The following TCP11 variants were observed in gnomAD, a reference collection of about 807,000 sequenced individuals.
TCP11 encodes the protein t-complex 11.
In TCP11, 34 loss-of-function variants were observed where a neutral mutation model predicts 45.0. The ratio of observed to expected loss-of-function variants is 0.76; its 90% CI spans 0.57 to 1.01. The LOEUF (loss-of-function observed/expected upper bound fraction) is 1.01, where lower values mean the gene tolerates loss of function less well. Among genes scored for constraint, TCP11 ranks in the 50% least tolerant of loss-of-function variants. TCP11 has a pLI of 0.00. For synonymous variants in TCP11, 227 were observed against 227.0 expected (o/e 1.00, Z 0.00); for missense variants, 523 against 598.1 (o/e 0.87, Z 1.31).
rs1301208312 is a variant in TCP11 at position 35,131,322 on chromosome 6, C to T, written c.237-2140G>A. On this transcript the variant is annotated intron_variant, in intron 3 of 9. Coordinates refer to ENST00000311875, the MANE Select transcript of TCP11 (RefSeq NM_001370687.1). ...GTGGCTCATGCCTATAATCCCAGCA[C>T]TTTGGGGGGCCGAGGCGGGCGGATC... Among the ~76,000 whole-genome samples, 6 of 151,880 alleles carry T rather than the reference C, an allele frequency of 4.0e-5. No homozygotes were observed. In the East Asian group the frequency reaches 1.2e-3, roughly 30 times the overall value.
rs781585149 is a variant in TCP11 at position 35,136,233 on chromosome 6, C to T, written c.125-15G>A. 7 of 1,595,734 alleles carry T rather than the reference C, an allele frequency of 4.4e-6. No individual in the cohort carries two copies. In the South Asian group the frequency reaches 6.6e-5, roughly 15 times the overall value. ...GACAGAAAGAACTGATGGTGGACAACAATGAGCCCATGCAAGTCTGAATTT... is the reference window on the plus strand; with the variant it reads ...GACAGAAAGAACTGATGGTGGACAATAATGAGCCCATGCAAGTCTGAATTT... On this transcript the variant is annotated splice_polypyrimidine_tract_variant and intron_variant, in intron 2 of 9. Transcript: ENST00000311875.
intron 2 of TCP11, among the ~76,000 whole-genome samples, chr6:35,138,035 CT>C (rs1209769304): frequency 6.6e-6 from 1 of 152,168 alleles, no homozygotes; most frequent in African/African-American, 2.4e-5. Flanking sequence ...AAAGTCATGA[CT>C]TTGTATCTCA....
intron 2 of TCP11, among the ~76,000 whole-genome samples, chr6:35,138,924 T>A (rs1781413808): frequency 6.6e-6 from 1 of 152,198 alleles, no homozygotes; most frequent in Admixed American, 6.5e-5. Context: ...GCTGTGGCTC[T>A]TGCCTATAAT....
intron 3 of TCP11, among the ~76,000 whole-genome samples, chr6:35,134,443 GCTAATTTTTGTATT>G (rs1235518467): frequency 1.3e-5 from 2 of 151,722 alleles, no homozygotes; most frequent in East Asian, 1.9e-4. Context: ...ACCATGCCTG[GCTAATTTTTGTATT>G]CTCAGTAGAG....
intron 3 of TCP11, among the ~76,000 whole-genome samples, chr6:35,135,205 T>A (rs565387541): frequency 6.6e-6 from 1 of 151,168 alleles, no homozygotes; most frequent in African/African-American, 2.4e-5. Flanking sequence ...TGAGATCAGG[T>A]AACAAAAAGA....
intron 3 of TCP11, among the ~76,000 whole-genome samples, chr6:35,131,528 A>G (rs538791982): frequency 3.5e-4 from 53 of 152,304 alleles, no homozygotes; most frequent in African/African-American, 1.2e-3. Context: ...AGATTGTGCC[A>G]CCGCACTCCA....
chr6:35,126,787 T>A (rs748166676), intron 4 of TCP11, among the ~76,000 whole-genome samples: 38 of 151,150 alleles, frequency 2.5e-4, no homozygotes, highest in South Asian at 1.3e-3. Context: ...GTCTCCTGAG[T>A]AGCTGGGAAT....
chr6:35,137,575 T>C (rs1402967931), intron 2 of TCP11: 1 of 185,182 alleles, frequency 5.4e-6, no homozygotes, highest in African/African-American at 2.4e-5. Context: ...TAAATAGTGC[T>C]AAGAATTTTG....
At chr6:35,124,387 T>G (rs1342741672) in intron 4 of TCP11, among the ~76,000 whole-genome samples, 2 of 152,196 alleles carry the variant, frequency 1.3e-5, no homozygotes, top group African/African-American at 4.8e-5. Flanking sequence ...GAACCACACA[T>G]GGACCTTTAG....
rs980142074 is a variant in TCP11 at position 35,139,961 on chromosome 6, T to C, written c.124+786A>G. On this transcript the variant is annotated intron_variant, in intron 2 of 9. Transcript: ENST00000311875. Reference sequence around the variant, plus strand: ...GAGTTGTTTTATATATGGACTCATTTAAATAGACACCTCAAAAACTTAAAT... The same window carrying C: ...GAGTTGTTTTATATATGGACTCATTCAAATAGACACCTCAAAAACTTAAAT... 8.9e-6 allele frequency: 14 copies of C among 1,570,722 alleles called. No individual in the cohort carries two copies. The South Asian group carries it at 1.4e-4, about 15-fold the overall frequency.
intron 4 of TCP11, among the ~76,000 whole-genome samples, chr6:35,125,129 G>A (rs1779676476): frequency 6.7e-6 from 1 of 149,566 alleles, no homozygotes; most frequent in African/African-American, 2.5e-5. Context: ...AGATTGCAGT[G>A]GCCAAGATCG....
At chr6:35,133,931 G>T (rs969288849) in intron 3 of TCP11, among the ~76,000 whole-genome samples, 1 of 152,054 alleles carries the variant, frequency 6.6e-6, no homozygotes, top group African/African-American at 2.4e-5. Context: ...ATAAAGCCTG[G>T]TGTGGGTATG....
At chr6:35,132,186 G>C (rs1780529337) in intron 3 of TCP11, among the ~76,000 whole-genome samples, 1 of 152,170 alleles carries the variant, frequency 6.6e-6, no homozygotes, top group African/African-American at 2.4e-5. Context: ...CAAGTCGCTT[G>C]TAAAGAACAT....
At chr6:35,128,337 C>T (rs1432077321) in intron 4 of TCP11, 1 of 152,244 alleles carries the variant, frequency 6.6e-6, no homozygotes, top group East Asian at 1.9e-4. Flanking sequence ...CAGCTCCTTG[C>T]TATGTGGCCC....
chr6:35,118,645 T>G, intron 9 of TCP11, 144 bp from the exon 10 acceptor site: 2 of 742,892 alleles, frequency 2.7e-6, no homozygotes, highest in South Asian at 3.9e-5. Context: ...AAATTTGTTT[T>G]GTTTGGAAAG....
rs748118067 is a variant in TCP11, at chr6:35,118,219, T to C, written c.*50A>G. 8.8e-6 allele frequency: 13 copies of C among 1,476,444 alleles called. No homozygotes were observed. Among genetic ancestry groups the C allele is most frequent in the Non-Finnish European group, 1.2e-5 (13 of 1,057,686 alleles). 91.5% of individuals were successfully genotyped at this position (1,476,444 alleles called of 1,614,324 possible). On this transcript the variant is annotated 3_prime_UTR_variant, in exon 10 of 10. Transcript: ENST00000311875. ...CACTGGTGATGTTACTCCAGGAAGA[T>C]GATGGGCCTCCTCTTGGGTCCAAGG...
rs747723833 is a variant in TCP11, at chr6:35,140,896, A to C, written c.-14-12T>G. On this transcript the variant is annotated splice_polypyrimidine_tract_variant and intron_variant, in intron 1 of 9. Transcript: ENST00000311875. Reference sequence around the variant, plus strand: ...TTTGCTGATGGTATCTGGGTGAGGGAGAAAGGCGTGTTGTTGGCGTCGGGG... The same window carrying C: ...TTTGCTGATGGTATCTGGGTGAGGGCGAAAGGCGTGTTGTTGGCGTCGGGG... The C allele has an allele frequency of 7.2e-6, 11 of 1,530,304 alleles. No individual in the cohort carries two copies. In the East Asian group the frequency reaches 2.2e-4, roughly 31 times the overall value. The allele number at this position is 1,530,304 out of a possible 1,614,324, so 94.8% of individuals were successfully genotyped here. A position where few individuals can be genotyped will look rare whatever the true frequency, so the allele number is the denominator to read the frequency against.
chr6:35,130,295 G>A (rs1305477158), intron 3 of TCP11, among the ~76,000 whole-genome samples: 1 of 152,176 alleles, frequency 6.6e-6, no homozygotes, highest in African/African-American at 2.4e-5. Context: ...TGAGTTTGGT[G>A]ATGACCTTTT....
At position 35,118,379 on chromosome 6, in the gene TCP11, C is replaced by A; in HGVS notation, c.1402G>T (p.Val468Phe). Residue 468 changes from valine to phenylalanine, a missense_variant, in exon 10 of 10, where the codon GTC (valine) becomes TTC (phenylalanine). Physicochemically the swap from Val to Phe is conservative, Grantham distance 50 (BLOSUM62 -1). This residue lies in a region of TCP11 where 298 missense variants were observed against 387.9 expected (regional missense o/e 0.77). Transcript: ENST00000311875. Reference sequence around the variant, plus strand: ...TGCTGATTGTGATGTGTCAAGTTGACAAACTTTTGGCCCAGTTCTGCCAGT... The same window carrying A: ...TGCTGATTGTGATGTGTCAAGTTGAAAAACTTTTGGCCCAGTTCTGCCAGT... Reference protein sequence around the residue: ...AELAELGQKFVNLTHHNQQVF... With the variant: ...AELAELGQKFFNLTHHNQQVF... The A allele has an allele frequency of 1.2e-6, 2 of 1,614,152 alleles. No homozygotes were observed. The highest frequency in any genetic ancestry group is 1.7e-6 in the Non-Finnish European group (2 of 1,180,020).
Sources: gnomAD v4.1 joint callset for allele counts (sites outside exome capture counted in the v4.1 genomes callset) on GRCh38, gnomAD v4.1.1 for gene constraint, gnomAD v4.1.1 regional missense constraint, MANE v1.5 for transcripts, NCBI Gene and HGNC (gene_info 2026-07-23, HGNC 2026-07-21) for gene names.